The following OPHN1 variants were observed in gnomAD, a reference collection of about 807,000 sequenced individuals.
OPHN1 encodes the protein oligophrenin-1.
In OPHN1, 11 loss-of-function variants were observed where a neutral mutation model predicts 60.7. The ratio of observed to expected loss-of-function variants is 0.18; its 90% CI spans 0.11 to 0.30. OPHN1 has a LOEUF of 0.30. Among genes scored for constraint, OPHN1 ranks in the 10% least tolerant of loss-of-function variants. The pLI is 1.00. For synonymous variants in OPHN1, 226 were observed against 222.6 expected (o/e 1.02, Z -0.14); for missense variants, 449 against 611.0 (o/e 0.73, Z 2.80).
At chrX:68,227,972 T>C (rs2077705252) in intron 6 of OPHN1, among the ~76,000 whole-genome samples, 1 of 110,396 alleles carries the variant, frequency 9.1e-6, no homozygotes, top group Non-Finnish European at 1.9e-5. Context: ...ATCCAGGAGA[T>C]GGTTTTTTGA....
intron 5 of OPHN1, among the ~76,000 whole-genome samples, chrX:68,254,194 T>C (rs1277129127): frequency 9.0e-6 from 1 of 111,175 alleles, no homozygotes; most frequent in Non-Finnish European, 1.9e-5. Context: ...ACAAGCAGCA[T>C]GAAGGTAGCA....
intron 15 of OPHN1, among the ~76,000 whole-genome samples, chrX:68,137,312 AAC>A (rs1447881456): frequency 8.9e-6 from 1 of 111,986 alleles, no homozygotes; most frequent in African/African-American, 3.2e-5. Context: ...GATACAGATT[AAC>A]AAATGTGTAC....
chrX:68,405,367 AT>A (rs1259384386), intron 2 of OPHN1, among the ~76,000 whole-genome samples: 1 of 111,156 alleles, frequency 9.0e-6, no homozygotes, highest in Non-Finnish European at 1.9e-5. Context: ...TTTTAAAAAA[AT>A]TTTTTAGAGC....
At chrX:68,287,917 C>T (rs999674658) in intron 3 of OPHN1, among the ~76,000 whole-genome samples, 1 of 111,820 alleles carries the variant, frequency 8.9e-6, no homozygotes, top group African/African-American at 3.3e-5. Flanking sequence ...CTATTCCCAC[C>T]GTGGTAACCT....
intron 2 of OPHN1, among the ~76,000 whole-genome samples, chrX:68,425,084 T>A (rs1471057678): frequency 1.8e-5 from 2 of 111,801 alleles, no homozygotes; most frequent in Non-Finnish European, 3.8e-5. Flanking sequence ...GAATGCATAT[T>A]ATATCACCAA....
At chrX:68,353,398 G>A (rs1316932500) in intron 2 of OPHN1, among the ~76,000 whole-genome samples, 5 of 84,455 alleles carry the variant, frequency 5.9e-5, no homozygotes, top group South Asian at 6.6e-4. Flanking sequence ...GTGAAACCCC[G>A]TCTCTACAGG....
intron 15 of OPHN1, among the ~76,000 whole-genome samples, chrX:68,128,955 A>C (rs2077182950): frequency 8.9e-6 from 1 of 112,126 alleles, no homozygotes. Context: ...GGTGGAAAAA[A>C]AGCAGAATTG....
At chrX:68,239,816 A>ATTTTT (rs35695832) in intron 5 of OPHN1, among the ~76,000 whole-genome samples, 1 of 93,589 alleles carries the variant, frequency 1.1e-5, no homozygotes, top group African/African-American at 4.0e-5. Flanking sequence ...TTCCTTTTCT[A>ATTTTT]TTTTTTTTTT....
chrX:68,066,370 A>G lies in OPHN1; in HGVS notation c.1835-2193T>C, dbSNP rs1192323124. 6.3e-5 allele frequency among the ~76,000 whole-genome samples: 7 copies of G among 111,555 alleles called. No homozygotes were observed. In the Admixed American group the frequency reaches 6.7e-4, roughly 11 times the overall value. On this transcript the variant is annotated intron_variant, in intron 20 of 24. Transcript: ENST00000355520. Reference sequence around the variant, plus strand: ...CATAGAGTAACATCACCATCTCAAGAGAGCCAATCTTCATAAAGAGGACCC... The same window carrying G: ...CATAGAGTAACATCACCATCTCAAGGGAGCCAATCTTCATAAAGAGGACCC...
At chrX:68,304,729 C>A (rs2078137123) in intron 2 of OPHN1, among the ~76,000 whole-genome samples, 1 of 111,248 alleles carries the variant, frequency 9.0e-6, no homozygotes, top group African/African-American at 3.3e-5. Flanking sequence ...AGCACCATCT[C>A]CATCTCTGCA....
intron 7 of OPHN1, 146 bp from the exon 8 acceptor site, chrX:68,212,358 G>A (rs2077588397): frequency 8.7e-6 from 4 of 461,121 alleles, no homozygotes; most frequent in East Asian, 4.1e-5. Context: ...AGGCCGAGGC[G>A]GGCAGATCGT....
At chrX:68,324,644 A>AG (rs2078251342) in intron 2 of OPHN1, among the ~76,000 whole-genome samples, 2 of 109,443 alleles carry the variant, frequency 1.8e-5, no homozygotes, top group African/African-American at 6.6e-5. Context: ...AAATAAAAAT[A>AG]AATAATAATT....
At chrX:68,095,890 T>C (rs766519798) in intron 19 of OPHN1, among the ~76,000 whole-genome samples, 4 of 112,155 alleles carry the variant, frequency 3.6e-5, no homozygotes, top group African/African-American at 1.3e-4. Context: ...TACCTTTGTT[T>C]TACCTTTTGT....
chrX:68,362,574 G>A (rs969825250), intron 2 of OPHN1, among the ~76,000 whole-genome samples: 9 of 111,050 alleles, frequency 8.1e-5, no homozygotes, highest in East Asian at 2.8e-4. Context: ...TGATTTAGCC[G>A]TTCTACGTGT....
intron 21 of OPHN1, among the ~76,000 whole-genome samples, chrX:68,056,399 T>C (rs762315722): frequency 1.2e-4 from 13 of 111,875 alleles, no homozygotes; most frequent in Non-Finnish European, 1.9e-4. Context: ...TTCATCCATC[T>C]AGCCATTCTG....
At chrX:68,317,776 C>A (rs2078216410) in intron 2 of OPHN1, among the ~76,000 whole-genome samples, 1 of 110,062 alleles carries the variant, frequency 9.1e-6, no homozygotes, top group South Asian at 3.9e-4. Flanking sequence ...AGGAAAATTT[C>A]CAAACACATG....
chrX:68,174,774 GA>G (rs2077407050), intron 15 of OPHN1, among the ~76,000 whole-genome samples: 2 of 110,183 alleles, frequency 1.8e-5, no homozygotes, highest in Admixed American at 1.9e-4. Flanking sequence ...GCCCAGCCTG[GA>G]ATGGTTAGTT....
intron 2 of OPHN1, among the ~76,000 whole-genome samples, chrX:68,353,002 A>C (rs1003516152): frequency 9.1e-6 from 1 of 109,383 alleles, no homozygotes; most frequent in Non-Finnish European, 1.9e-5. Context: ...AATTCAAAAA[A>C]TTAGCCAGGC....
chrX:68,089,480 CTACA>C (rs1352452774), intron 19 of OPHN1, among the ~76,000 whole-genome samples: 6 of 111,685 alleles, frequency 5.4e-5, no homozygotes, highest in Non-Finnish European at 1.1e-4. Flanking sequence ...TAAGTAAATA[CTACA>C]TAAAGTTGTG....
Sources: gnomAD v4.1 joint callset for allele counts (sites outside exome capture counted in the v4.1 genomes callset) on GRCh38, gnomAD v4.1.1 for gene constraint, MANE v1.5 for transcripts, NCBI Gene and HGNC (gene_info 2026-07-23, HGNC 2026-07-21) for gene names.